Variants in RAD51B observed in about 807,000 individuals in gnomAD.
RAD51B encodes RAD51 paralog B, also known as DNA repair protein RAD51 homolog 2.
In RAD51B, 38 loss-of-function variants were observed where a neutral mutation model predicts 42.2. The ratio of observed to expected loss-of-function variants is 0.90; its 90% CI spans 0.70 to 1.18. RAD51B has a LOEUF of 1.18. RAD51B is among the 50% of genes most tolerant of loss of function. The probability of loss-of-function intolerance (pLI) is 0.00; values close to 1 mark genes in which losing one functional copy is unlikely to be tolerated. For missense variants in RAD51B, 373 were observed against 400.7 expected (o/e 0.93, Z 0.59); for synonymous variants, 154 against 145.2 (o/e 1.06, Z -0.43).
At chr14:67,909,234 C>A (rs2043883631) in intron 7 of RAD51B, among the ~76,000 whole-genome samples, 1 of 151,978 alleles carries the variant, frequency 6.6e-6, no homozygotes, top group Non-Finnish European at 1.5e-5. Context: ...ACATGAAAAA[C>A]AAAAGACTAA....
rs114193281 is a variant in RAD51B at position 67,968,115 on chromosome 14, G to A, written c.756+80911G>A. On this transcript the variant is annotated intron_variant, in intron 7 of 10. Coordinates refer to ENST00000471583, the MANE Select transcript of RAD51B (RefSeq NM_133510.4). Reference sequence around the variant, plus strand: ...ACTCTCTGAAACTATGCGCTGAGCTGTACCTTGACCCCTTTTAGCAATGGC... The same window carrying A: ...ACTCTCTGAAACTATGCGCTGAGCTATACCTTGACCCCTTTTAGCAATGGC... 6.6e-3 allele frequency among the ~76,000 whole-genome samples: 1,012 copies of A among 152,338 alleles called. 9 individuals carry two copies. Among genetic ancestry groups the A allele is most frequent in the African/African-American group, 0.021 (886 of 41,578 alleles).
intron 8 of RAD51B, among the ~76,000 whole-genome samples, chr14:68,345,299 G>A (rs566126084): frequency 6.6e-6 from 1 of 152,134 alleles, no homozygotes; most frequent in Non-Finnish European, 1.5e-5. Flanking sequence ...TAATGATATA[G>A]TTTAGATATT....
At chr14:67,922,233 A>G (rs748281338) in intron 7 of RAD51B, among the ~76,000 whole-genome samples, 3 of 152,188 alleles carry the variant, frequency 2.0e-5, no homozygotes, top group Non-Finnish European at 4.4e-5. Flanking sequence ...TGAATGCACC[A>G]GTGAGTTTGT....
chr14:67,912,058 T>C (rs2044001957), intron 7 of RAD51B, among the ~76,000 whole-genome samples: 2 of 152,248 alleles, frequency 1.3e-5, no homozygotes. Flanking sequence ...CTACTCTTTA[T>C]ACAAAGCCAG....
At chr14:68,362,962 T>G (rs974745281) in intron 8 of RAD51B, among the ~76,000 whole-genome samples, 8 of 152,208 alleles carry the variant, frequency 5.3e-5, no homozygotes, top group Non-Finnish European at 1.2e-4. Flanking sequence ...CTGGGGTTCT[T>G]GCACAGTCCT....
At chr14:67,940,792 A>AC (rs996534329) in intron 7 of RAD51B, among the ~76,000 whole-genome samples, 1 of 151,542 alleles carries the variant, frequency 6.6e-6, no homozygotes, top group Non-Finnish European at 1.5e-5. Flanking sequence ...GAAAAAAAAA[A>AC]CACAGAAAAA....
intron 3 of RAD51B, among the ~76,000 whole-genome samples, chr14:67,827,619 A>C (rs1414693889): frequency 1.3e-5 from 2 of 151,990 alleles, no homozygotes; most frequent in African/African-American, 4.8e-5. Context: ...TTCTTCCTGA[A>C]GCTCTCCCTC....
chr14:68,443,129 A>G (rs187431731), intron 9 of RAD51B, among the ~76,000 whole-genome samples: 35 of 152,354 alleles, frequency 2.3e-4, no homozygotes, highest in African/African-American at 8.4e-4. Context: ...TAATAAAATA[A>G]AGAAAAGAAA....
intron 10 of RAD51B, among the ~76,000 whole-genome samples, chr14:68,524,210 G>C (rs59404246): frequency 0.068 from 10,342 of 152,166 alleles, 461 homozygotes; most frequent in South Asian, 0.11. Flanking sequence ...CACTGCTCCT[G>C]ACCGACCGAC....
chr14:68,535,772 C>G (rs1280110146), intron 10 of RAD51B, among the ~76,000 whole-genome samples: 1 of 152,154 alleles, frequency 6.6e-6, no homozygotes. Flanking sequence ...TGGGATAGTA[C>G]CACTATTTCT....
chr14:67,995,678 C>T (rs905863230), intron 7 of RAD51B, among the ~76,000 whole-genome samples: 6 of 150,628 alleles, frequency 4.0e-5, no homozygotes, highest in African/African-American at 4.9e-5. Flanking sequence ...AGTGCAGTGG[C>T]GCAATCTCAG....
Position 67,842,660 on chromosome 14 carries a change from G to T in RAD51B, c.315+7464G>T, listed in dbSNP as rs558205014. On this transcript the variant is annotated intron_variant, in intron 4 of 10. Transcript: ENST00000471583. ...TCTGGGATTACAGGCATGTGCCACC[G>T]TGCCCAGCCTTATTTCTTTCTCTTG... Among the ~76,000 whole-genome samples, 4 of 152,250 alleles carry T rather than the reference G, an allele frequency of 2.6e-5. No homozygotes were observed. The East Asian group carries it at 7.7e-4, about 29-fold the overall frequency.
chr14:67,855,660 G>A (rs759995898), intron 4 of RAD51B, among the ~76,000 whole-genome samples: 16 of 152,198 alleles, frequency 1.1e-4, no homozygotes, highest in Non-Finnish European at 1.9e-4. Flanking sequence ...AGAAGTACAT[G>A]AAACAGTTAA....
rs949252880 is a variant in RAD51B, at chr14:68,675,860, C to T, written c.*11+25004C>T. 2.6e-5 allele frequency among the ~76,000 whole-genome samples: 4 copies of T among 152,304 alleles called. No individual in the cohort carries two copies. In the South Asian group the frequency reaches 6.2e-4, roughly 24 times the overall value. On this transcript the variant is annotated intron_variant, in intron 11 of 11. Transcript: ENST00000488612. ...CCAGCCACATCCTCTTCTCAATCCT[C>T]CATCTCCACCTGCTTCATTCAACCT...
chr14:68,442,901 G>A (rs1216044666), intron 9 of RAD51B, among the ~76,000 whole-genome samples: 4 of 152,124 alleles, frequency 2.6e-5, no homozygotes. Context: ...GCAGTAAAGT[G>A]GAATGAAACT....
chr14:68,494,113 T>G (rs1285924395), intron 10 of RAD51B, among the ~76,000 whole-genome samples: 3 of 151,776 alleles, frequency 2.0e-5, no homozygotes, highest in Non-Finnish European at 2.9e-5. Flanking sequence ...CTGTCTCTAC[T>G]AAAAATACAA....
Position 68,051,750 on chromosome 14 carries a change from G to A in RAD51B, c.756+164546G>A, listed in dbSNP as rs527868127. Among the ~76,000 whole-genome samples the A allele has an allele frequency of 2.6e-5, 4 of 152,018 alleles. No homozygotes were observed. The South Asian group carries it at 8.3e-4, about 32-fold the overall frequency. On this transcript the variant is annotated intron_variant, in intron 7 of 10. Transcript: ENST00000471583. Reference sequence around the variant, plus strand: ...AGTAGCTAGGACTACAGGTGCACATGACCATGCCTGGCTAATTTTTTTCAT... The same window carrying A: ...AGTAGCTAGGACTACAGGTGCACATAACCATGCCTGGCTAATTTTTTTCAT...
At chr14:68,674,284 A>G (rs1370573871) in intron 11 of RAD51B, among the ~76,000 whole-genome samples, 1 of 152,148 alleles carries the variant, frequency 6.6e-6, no homozygotes, top group Non-Finnish European at 1.5e-5. Context: ...TTACGTATAT[A>G]CTTACATATA....
At chr14:68,252,717 C>A (rs987363557) in intron 7 of RAD51B, among the ~76,000 whole-genome samples, 1 of 152,078 alleles carries the variant, frequency 6.6e-6, no homozygotes, top group Non-Finnish European at 1.5e-5. Context: ...ATTTAGGTGG[C>A]GTCTAATTTT....
Sources: gnomAD v4.1 joint callset for allele counts (sites outside exome capture counted in the v4.1 genomes callset) on GRCh38, gnomAD v4.1.1 for gene constraint, MANE v1.5 for transcripts, NCBI Gene and HGNC (gene_info 2026-07-23, HGNC 2026-07-21) for gene names.